WDFY4: variants seen among roughly 807,000 people sequenced by gnomAD.
WDFY4 encodes WD repeat- and FYVE domain-containing protein 4.
WDFY4 carries 169 observed loss-of-function variants against 351.9 expected under a neutral mutation model. The ratio of observed to expected loss-of-function variants is 0.48; its 90% CI spans 0.42 to 0.55. The LOEUF (loss-of-function observed/expected upper bound fraction) is 0.55. WDFY4 is among the 20% of genes least tolerant of loss of function. WDFY4 has a pLI of 0.00. For missense variants in WDFY4, 3,803 were observed against 3,935.6 expected (o/e 0.97, Z 0.90); for synonymous variants, 1,622 against 1,574.6 (o/e 1.03, Z -0.71).
chr10:48,784,104 C>G (rs560160345), intron 19 of WDFY4, among the ~76,000 whole-genome samples: 1 of 152,260 alleles, frequency 6.6e-6, no homozygotes, highest in African/African-American at 2.4e-5. Flanking sequence ...TGAAAGACAT[C>G]TGGGATGTTT....
chr10:48,774,488 A>G lies in WDFY4; in HGVS notation c.2584A>G (p.Ser862Gly), dbSNP rs2065964936. ...LSEEIQCSLA[S>G]HIQSLVKSEK... is the part of the protein sequence containing the mutation. Reference sequence around the variant, plus strand: ...CGAGGAGATCCAGTGCTCCCTGGCCAGTCATATCCAGTCCCTGGTGAAGTC... The same window carrying G: ...CGAGGAGATCCAGTGCTCCCTGGCCGGTCATATCCAGTCCCTGGTGAAGTC... The change falls in exon 14 of 62, where the codon AGT (serine) becomes GGT (glycine). Residue 862 changes from serine to glycine, a missense_variant. By Grantham distance (56) the Ser-to-Gly change is moderately conservative. Transcript: ENST00000325239. 6.4e-7 allele frequency: 1 copy of G among 1,551,754 alleles called. No homozygotes were observed. The highest frequency in any genetic ancestry group is 8.7e-7 in the Non-Finnish European group (1 of 1,147,008).
chr10:48,736,008 A>G lies in WDFY4; in HGVS notation c.1816A>G (p.Ile606Val), dbSNP rs1313581926. ...AINAEEYMSI[I>V]VGALCSSTQG... is the part of the protein sequence containing the mutation. Reference sequence around the variant, plus strand: ...CAACGCCGAGGAGTACATGAGCATCATTGTGGGTGCTCTATGCTCATCCAC... The same window carrying G: ...CAACGCCGAGGAGTACATGAGCATCGTTGTGGGTGCTCTATGCTCATCCAC... Residue 606 changes from isoleucine to valine, a missense_variant, in exon 11 of 62, where the codon ATT becomes GTT. Ile to Val is a conservative substitution (Grantham distance 29). Coordinates refer to ENST00000325239, the MANE Select transcript of WDFY4 (RefSeq NM_001394531.1). 2 of 1,551,916 alleles carry G rather than the reference A, an allele frequency of 1.3e-6. No homozygotes were observed. Among genetic ancestry groups the G allele is most frequent in the Non-Finnish European group, 1.7e-6 (2 of 1,147,046 alleles).
At chr10:48,787,290 A>T (rs1032067697) in intron 20 of WDFY4, among the ~76,000 whole-genome samples, 1 of 152,228 alleles carries the variant, frequency 6.6e-6, no homozygotes, top group Non-Finnish European at 1.5e-5. Flanking sequence ...GTGCTCTGTC[A>T]AGTCAAAGGG....
At chr10:48,930,882 T>C (rs1489131383) in intron 47 of WDFY4, among the ~76,000 whole-genome samples, 1 of 152,146 alleles carries the variant, frequency 6.6e-6, no homozygotes, top group Non-Finnish European at 1.5e-5. Flanking sequence ...AGCCCTGTGT[T>C]CTCTGGCACA....
chr10:48,885,707 G>A (rs2070425227), intron 43 of WDFY4, among the ~76,000 whole-genome samples: 1 of 151,212 alleles, frequency 6.6e-6, no homozygotes, highest in South Asian at 2.1e-4. Context: ...AAAACAATAA[G>A]GAGATGTTCT....
intron 31 of WDFY4, among the ~76,000 whole-genome samples, chr10:48,815,495 G>A (rs189625711): frequency 6.6e-6 from 1 of 151,688 alleles, no homozygotes; most frequent in East Asian, 1.9e-4. Context: ...GTCTTGCTCT[G>A]TTGCCCAGGC....
At chr10:48,778,473 G>T in intron 17 of WDFY4, 138 bp from the exon 18 acceptor site, 1 of 840,172 alleles carries the variant, frequency 1.2e-6, no homozygotes, top group South Asian at 1.7e-5. Flanking sequence ...ATGCCATAAT[G>T]GGGAGGAGAC....
At chr10:48,859,846 G>A (rs2069272926) in intron 39 of WDFY4, among the ~76,000 whole-genome samples, 1 of 151,966 alleles carries the variant, frequency 6.6e-6, no homozygotes, top group African/African-American at 2.4e-5. Context: ...TTTATTTTTG[G>A]AGACTTTAAA....
At chr10:48,715,354 A>ATT (rs2132239841) in intron 2 of WDFY4, among the ~76,000 whole-genome samples, 1 of 152,376 alleles carries the variant, frequency 6.6e-6, no homozygotes, top group African/African-American at 2.4e-5. Context: ...TAACTGGAAA[A>ATT]GTGGGTAACA....
chr10:48,769,123 G>A (rs1262027905), intron 13 of WDFY4, among the ~76,000 whole-genome samples: 4 of 152,182 alleles, frequency 2.6e-5, no homozygotes, highest in Admixed American at 6.5e-5. Context: ...TTTGGAGCAG[G>A]CACCCACCCA....
At chr10:48,939,730 A>G (rs190495764) in intron 47 of WDFY4, among the ~76,000 whole-genome samples, 2 of 152,350 alleles carry the variant, frequency 1.3e-5, no homozygotes, top group East Asian at 3.8e-4. Context: ...CAATATTTTT[A>G]AAAAATAGAT....
At chr10:48,876,235 A>G (rs2070002445) in intron 42 of WDFY4, among the ~76,000 whole-genome samples, 1 of 152,238 alleles carries the variant, frequency 6.6e-6, no homozygotes, top group Admixed American at 6.5e-5. Flanking sequence ...TGAGCAGCAG[A>G]CACTTTCAAT....
At chr10:48,930,333 T>C (rs956879616) in intron 47 of WDFY4, among the ~76,000 whole-genome samples, 3 of 152,250 alleles carry the variant, frequency 2.0e-5, no homozygotes, top group African/African-American at 4.8e-5. Flanking sequence ...GTCACTTGCA[T>C]ACTAAATATT....
chr10:48,796,901 G>A (rs941658961), intron 24 of WDFY4, among the ~76,000 whole-genome samples: 1 of 152,122 alleles, frequency 6.6e-6, no homozygotes, highest in Non-Finnish European at 1.5e-5. Context: ...GAGGAGCATC[G>A]CACACAACTG....
At chr10:48,707,742 T>C (rs983149303) in intron 1 of WDFY4, among the ~76,000 whole-genome samples, 1 of 152,166 alleles carries the variant, frequency 6.6e-6, no homozygotes, top group Non-Finnish European at 1.5e-5. Flanking sequence ...ACTCTGTAAG[T>C]TCCATGCTGG....
At chr10:48,799,777 CA>C (rs1240399280) in intron 24 of WDFY4, among the ~76,000 whole-genome samples, 4 of 152,082 alleles carry the variant, frequency 2.6e-5, no homozygotes, top group Non-Finnish European at 4.4e-5. Flanking sequence ...TCGTCTCAAA[CA>C]AACAAACAAA....
At chr10:48,914,873 A>T (rs1476403911) in intron 47 of WDFY4, among the ~76,000 whole-genome samples, 1 of 152,046 alleles carries the variant, frequency 6.6e-6, no homozygotes, top group Non-Finnish European at 1.5e-5. Flanking sequence ...ACACAGGGGG[A>T]TGGGGGGTGC....
At chr10:48,755,347 C>T (rs2065305409) in intron 12 of WDFY4, among the ~76,000 whole-genome samples, 1 of 152,258 alleles carries the variant, frequency 6.6e-6, no homozygotes, top group South Asian at 2.1e-4. Flanking sequence ...ATAGGGTCTT[C>T]CACAGATTGA....
At chr10:48,776,280 T>C (rs1296740279) in intron 15 of WDFY4, among the ~76,000 whole-genome samples, 2 of 152,122 alleles carry the variant, frequency 1.3e-5, no homozygotes, top group Non-Finnish European at 2.9e-5. Flanking sequence ...GAATGTAAGA[T>C]CACATAAGAC....
Sources: gnomAD v4.1 joint callset for allele counts (sites outside exome capture counted in the v4.1 genomes callset) on GRCh38, gnomAD v4.1.1 for gene constraint, MANE v1.5 for transcripts, NCBI Gene and HGNC (gene_info 2026-07-23, HGNC 2026-07-21) for gene names.